PTPRD: variants seen among roughly 807,000 people sequenced by gnomAD.
The protein encoded by PTPRD is receptor-type tyrosine-protein phosphatase delta.
PTPRD carries 34 observed loss-of-function variants against 214.5 expected under a neutral mutation model. The observed-to-expected ratio is 0.16, with a 90% confidence interval of 0.12 to 0.21. The LOEUF is 0.21. Among genes scored for constraint, PTPRD ranks in the 10% least tolerant of loss-of-function variants. PTPRD has a pLI of 1.00. For synonymous variants in PTPRD, 1,128 were observed against 845.7 expected, an observed-to-expected ratio of 1.33 and a Z score of -5.79; for missense variants, 2,545 against 2,398.7, an observed-to-expected ratio of 1.06 and a Z score of -1.27.
intron 7 of PTPRD, among the ~76,000 whole-genome samples, chr9:9,609,170 A>C (rs911025457): frequency 6.6e-6 from 1 of 152,182 alleles, no homozygotes; most frequent in Non-Finnish European, 1.5e-5. Flanking sequence ...GACATTTATG[A>C]ATCTACATTG....
intron 33 of PTPRD, among the ~76,000 whole-genome samples, chr9:8,458,092 C>G (rs1037509343): frequency 6.6e-6 from 1 of 152,118 alleles, no homozygotes; most frequent in Non-Finnish European, 1.5e-5. Flanking sequence ...GCTAAATATA[C>G]TTAGCATTCG....
chr9:10,026,126 A>G (rs531657186), intron 4 of PTPRD, among the ~76,000 whole-genome samples: 71 of 152,336 alleles, frequency 4.7e-4, no homozygotes, highest in Non-Finnish European at 8.5e-4. Flanking sequence ...TGCCAGCTTT[A>G]AATAACGACC....
intron 2 of PTPRD, among the ~76,000 whole-genome samples, chr9:10,468,974 A>T (rs895510054): frequency 6.6e-6 from 1 of 152,168 alleles, no homozygotes; most frequent in Admixed American, 6.6e-5. Flanking sequence ...TGAATTAGAA[A>T]AAAAGTTATC....
intron 11 of PTPRD, among the ~76,000 whole-genome samples, chr9:8,948,422 T>A (rs1315463226): frequency 2.4e-5 from 1 of 41,074 alleles, no homozygotes; most frequent in Non-Finnish European, 4.9e-5. Flanking sequence ...TATATATATA[T>A]ATTTATATAT....
At chr9:9,849,130 T>C (rs948919993) in intron 5 of PTPRD, among the ~76,000 whole-genome samples, 3 of 151,892 alleles carry the variant, frequency 2.0e-5, no homozygotes, top group African/African-American at 2.4e-5. Flanking sequence ...ATAAAGTTGT[T>C]GATTTACTTT....
At chr9:9,989,915 G>C (rs1289356237) in intron 4 of PTPRD, among the ~76,000 whole-genome samples, 1 of 152,150 alleles carries the variant, frequency 6.6e-6, no homozygotes, top group Admixed American at 6.5e-5. Context: ...CCACGCAAAG[G>C]GTTTGAGCAC....
intron 2 of PTPRD, among the ~76,000 whole-genome samples, chr9:10,464,408 G>C (rs1005736731): frequency 7.3e-6 from 1 of 137,622 alleles, no homozygotes; most frequent in Non-Finnish European, 1.6e-5. Context: ...GAGAGATAGA[G>C]AGACAGAGAG....
At chr9:10,189,632 A>T (rs1237948243) in intron 3 of PTPRD, among the ~76,000 whole-genome samples, 1 of 152,158 alleles carries the variant, frequency 6.6e-6, no homozygotes, top group Non-Finnish European at 1.5e-5. Flanking sequence ...CAGGACAAAC[A>T]GGAATCCTGC....
rs546272539 is a variant in PTPRD, at chr9:9,540,662, T to C, written c.-237+34070A>G. Among the ~76,000 whole-genome samples, 123 of 151,956 alleles carry C rather than the reference T, an allele frequency of 8.1e-4. 1 individual carries two copies. Among genetic ancestry groups the C allele is most frequent in the Middle Eastern group, 3.4e-3 (1 of 294 alleles). On this transcript the variant is annotated intron_variant, in intron 8 of 45. Coordinates refer to ENST00000381196, the MANE Select transcript of PTPRD (RefSeq NM_002839.4). ...AAATCCTGTGGTAAAAAATATGTTT[T>C]ATTAGTTTATTAATATTAGGTTATA... is the stretch of plus-strand genomic sequence containing the variant.
chr9:10,330,692 G>A (rs2096733344), intron 3 of PTPRD, among the ~76,000 whole-genome samples: 1 of 151,806 alleles, frequency 6.6e-6, no homozygotes, highest in African/African-American at 2.4e-5. Context: ...GTAGAGAAGT[G>A]GTAGTAATGT....
chr9:9,685,850 T>C (rs10816163), intron 7 of PTPRD, among the ~76,000 whole-genome samples: 47,349 of 151,210 alleles, frequency 0.31, 7,736 homozygotes, highest in Admixed American at 0.45. Context: ...CATTATTATA[T>C]ACCAGTAACT....
intron 35 of PTPRD, among the ~76,000 whole-genome samples, chr9:8,433,627 A>T (rs2095202164): frequency 6.6e-6 from 1 of 152,194 alleles, no homozygotes; most frequent in South Asian, 2.1e-4. Context: ...AATTCTAAAA[A>T]GTTAATATAA....
At chr9:9,005,481 C>A (rs1207155628) in intron 11 of PTPRD, among the ~76,000 whole-genome samples, 6 of 151,976 alleles carry the variant, frequency 3.9e-5, no homozygotes, top group Admixed American at 6.6e-5. Flanking sequence ...ATGTGCCAAA[C>A]AAGGAAGTAT....
chr9:8,717,768 T>A (rs990190400), intron 12 of PTPRD, among the ~76,000 whole-genome samples: 1 of 152,224 alleles, frequency 6.6e-6, no homozygotes, highest in Non-Finnish European at 1.5e-5. Flanking sequence ...AAGTTGAGAA[T>A]CACCGTTTTA....
intron 3 of PTPRD, among the ~76,000 whole-genome samples, chr9:10,167,766 G>A (rs2099168433): frequency 6.6e-6 from 1 of 152,030 alleles, no homozygotes; most frequent in South Asian, 2.1e-4. Flanking sequence ...TTGATACTGT[G>A]TGATAGAAGA....
chr9:9,634,034 T>C (rs2095676115), intron 7 of PTPRD, among the ~76,000 whole-genome samples: 1 of 152,152 alleles, frequency 6.6e-6, no homozygotes, highest in Admixed American at 6.5e-5. Flanking sequence ...ACAGCACATA[T>C]CAGATCTTAA....
At chr9:9,426,204 C>T (rs1422757832) in intron 8 of PTPRD, among the ~76,000 whole-genome samples, 1 of 152,186 alleles carries the variant, frequency 6.6e-6, no homozygotes, top group East Asian at 1.9e-4. Flanking sequence ...GGGTCACTCC[C>T]ACCCTAATAC....
At chr9:10,297,896 C>A (rs2095731862) in intron 3 of PTPRD, among the ~76,000 whole-genome samples, 1 of 151,994 alleles carries the variant, frequency 6.6e-6, no homozygotes, top group Non-Finnish European at 1.5e-5. Context: ...TTCCAAGGCA[C>A]CCTTCATATT....
At chr9:9,433,858 A>T (rs1046955512) in intron 8 of PTPRD, among the ~76,000 whole-genome samples, 1 of 152,232 alleles carries the variant, frequency 6.6e-6, no homozygotes, top group Non-Finnish European at 1.5e-5. Context: ...ATAAAGTTGT[A>T]TCTGATAGAG....
Sources: gnomAD v4.1 joint callset for allele counts (sites outside exome capture counted in the v4.1 genomes callset) on GRCh38, gnomAD v4.1.1 for gene constraint, MANE v1.5 for transcripts, NCBI Gene and HGNC (gene_info 2026-07-23, HGNC 2026-07-21) for gene names.